The following GLT8D1 variants were observed in gnomAD, a reference collection of about 807,000 sequenced individuals.
GLT8D1 encodes the protein glycosyltransferase 8 domain containing 1.
A neutral mutation model predicts 46.2 loss-of-function variants in GLT8D1; 41 were observed. That is an observed-to-expected ratio of 0.89 (90% CI 0.69 to 1.15). GLT8D1 has a LOEUF of 1.15. Among genes scored for constraint, GLT8D1 ranks in the 50% most tolerant of loss-of-function variants. The pLI is 0.00. For synonymous variants in GLT8D1, 150 were observed against 154.2 expected (o/e 0.97, Z 0.20); for missense variants, 408 against 449.3 (o/e 0.91, Z 0.83).
chr3:52,697,729 G>T lies in GLT8D1; in HGVS notation c.321C>A (p.Asp107Glu), dbSNP rs753948829. The T allele has an allele frequency of 6.2e-7, 1 of 1,603,494 alleles. No individual in the cohort carries two copies. Among genetic ancestry groups the T allele is most frequent in the Non-Finnish European group, 8.5e-7 (1 of 1,170,264 alleles). ...ACATAAGCAGAGCTCACCGGAGATG[G>T]TCTGCTGTATTGTTGAGAGTAACAA... ...FYIVTLNNTA[D>E]HLRSWLNSDS... The change falls in exon 4 of 10, where the codon GAC becomes GAA. Residue 107 changes from aspartate (D) to glutamate (E), a missense_variant. By Grantham distance (45) the Asp-to-Glu change is conservative. Transcript: ENST00000266014.
intron 4 of GLT8D1, 67 bp downstream of exon 4, chr3:52,697,654 T>C (rs1578588486): frequency 1.2e-5 from 12 of 1,019,002 alleles, no homozygotes; most frequent in Non-Finnish European, 1.7e-5. Context: ...GAAAAACAGA[T>C]CCTGGATTGG....
At chr3:52,697,690 C>CT (rs1232979430) in intron 4 of GLT8D1, 31 bp downstream of exon 4, 2 of 1,455,068 alleles carry the variant, frequency 1.4e-6, no homozygotes, top group Non-Finnish European at 1.9e-6. Flanking sequence ...AAATCATCCT[C>CT]TAGAAGCAGA....
At position 52,696,632 on chromosome 3, in the gene GLT8D1, T is replaced by C; in HGVS notation, c.357A>G (p.Lys119=). ...LRSWLNSDSL[K]SIRYKIVNFD... ...AATTGACAATTTTGTATCTGATGCTTTTCAGGGAATCACTGTTGAGCCAGG... is the reference window on the plus strand; with the variant it reads ...AATTGACAATTTTGTATCTGATGCTCTTCAGGGAATCACTGTTGAGCCAGG... Residue 119 remains lysine, a synonymous_variant, in exon 5 of 10, where the codon AAA becomes AAG. Coordinates refer to ENST00000266014, the MANE Select transcript of GLT8D1 (RefSeq NM_018446.4). 1 of 1,605,504 alleles carries C rather than the reference T, an allele frequency of 6.2e-7. No homozygotes were observed. The highest frequency in any genetic ancestry group is 2.2e-5 in the East Asian group (1 of 44,838).
intron 1 of GLT8D1, chr3:52,701,220 G>A (rs2097339099): frequency 6.6e-6 from 1 of 151,862 alleles, no homozygotes; most frequent in South Asian, 2.1e-4. Context: ...TTTAACATGA[G>A]TGTCCTCAGA....
At chr3:52,695,093 C>G (rs2097331692) in intron 9 of GLT8D1, 58 bp from the exon 10 acceptor site, 1 of 1,486,246 alleles carries the variant, frequency 6.7e-7, no homozygotes. Context: ...GTGCAGAAAA[C>G]TTACTTAAGG....
At chr3:52,705,274 G>T (rs2097343039) in intron 1 of GLT8D1, 173 bp downstream of exon 1, 1 of 152,450 alleles carries the variant, frequency 6.6e-6, no homozygotes, top group East Asian at 1.9e-4. Flanking sequence ...GGTCAGTAAA[G>T]CCGGCCACAA....
chr3:52,698,154 C>T (rs1005554946), intron 3 of GLT8D1, among the ~76,000 whole-genome samples: 1 of 152,162 alleles, frequency 6.6e-6, no homozygotes. Context: ...CTTTGGTACA[C>T]TACTGGTAGG....
Position 52,695,463 on chromosome 3 carries a change from TTC to T in GLT8D1, c.768_769del (p.Asn257TyrfsTer3). The stretch of plus-strand genomic sequence containing the variant: ...CCATTTTTCCAGTTGGTTAGTTATA[TTC>T]TGTCGTTTCCATTCCGTCAGGTTTG... On this transcript the variant is annotated frameshift_variant, in exon 8 of 10. Transcript: ENST00000266014. LOFTEE classifies it high-confidence loss of function. The T allele has an allele frequency of 6.2e-7, 1 of 1,614,028 alleles. No individual in the cohort carries two copies. The highest frequency in any genetic ancestry group is 8.5e-7 in the Non-Finnish European group (1 of 1,179,858).
rs751246705 is a variant in GLT8D1 at position 52,696,625 on chromosome 3, T to TG, written c.363dup (p.Arg122GlnfsTer8). 1 of 1,608,582 alleles carries TG rather than the reference T, an allele frequency of 6.2e-7. No individual in the cohort carries two copies. Among genetic ancestry groups the TG allele is most frequent in the Non-Finnish European group, 8.5e-7 (1 of 1,174,880 alleles). On this transcript the variant is annotated frameshift_variant, in exon 5 of 10. Coordinates refer to ENST00000266014, the MANE Select transcript of GLT8D1 (RefSeq NM_018446.4). LOFTEE classifies it high-confidence loss of function. Reference sequence around the variant, plus strand: ...GGGTCAAAATTGACAATTTTGTATCTGATGCTTTTCAGGGAATCACTGTTG... The same window carrying TG: ...GGGTCAAAATTGACAATTTTGTATCTGGATGCTTTTCAGGGAATCACTGTTG...
intron 1 of GLT8D1, chr3:52,704,753 T>C (rs1459780203): frequency 2.0e-5 from 3 of 152,306 alleles, no homozygotes; most frequent in Non-Finnish European, 4.4e-5. Flanking sequence ...CCACTTGGCA[T>C]TCAAAGGTCA....
At position 52,700,324 on chromosome 3, in the gene GLT8D1, A is replaced by G; in HGVS notation, c.53T>C (p.Phe18Ser). The change falls in exon 3 of 10, where the codon TTC becomes TCC. Residue 18 changes from phenylalanine to serine, a missense_variant. Coordinates refer to ENST00000266014, the MANE Select transcript of GLT8D1 (RefSeq NM_018446.4). ...IIILVLAVAL[F>S]LLVLHHNFLS... ...GAAGTTATGGTGCAAAACCAGTAAG[A>G]AGAGAGCAACAGCCAGGACCAAGAT... 6.2e-7 allele frequency: 1 copy of G among 1,613,932 alleles called. No individual in the cohort carries two copies. Among genetic ancestry groups the G allele is most frequent in the Non-Finnish European group, 8.5e-7 (1 of 1,179,802 alleles).
chr3:52,697,836 C>G lies in GLT8D1; in HGVS notation c.214G>C (p.Ala72Pro). 4 of 1,613,332 alleles carry G rather than the reference C, an allele frequency of 2.5e-6. No homozygotes were observed. Among genetic ancestry groups the G allele is most frequent in the Non-Finnish European group, 3.4e-6 (4 of 1,179,258 alleles). Residue 72 changes from alanine (A) to proline (P), a missense_variant, in exon 4 of 10, where the codon GCA (alanine) becomes CCA (proline). Coordinates refer to ENST00000266014, the MANE Select transcript of GLT8D1 (RefSeq NM_018446.4). ...RQEEIPVVIA[A>P]SEDRLGGAIA... is the part of the protein sequence containing the mutation. ...GCCCCCCCAAGCCTGTCTTCAGATG[C>G]AGCGATGACCACAGGAATCTCCTCT...
At chr3:52,695,641 A>AT in intron 7 of GLT8D1, 54 bp from the exon 8 acceptor site, 1 of 1,042,976 alleles carries the variant, frequency 9.6e-7, no homozygotes, top group Non-Finnish European at 1.5e-6. Context: ...AATAGATACA[A>AT]TTTTATAGCC....
chr3:52,703,461 T>A lies in GLT8D1; in HGVS notation c.-37+1986A>T, dbSNP rs1027692389. 4 of 149,008 alleles carry A rather than the reference T, an allele frequency of 2.7e-5. No homozygotes were observed. The East Asian group carries it at 7.9e-4, about 29-fold the overall frequency. The allele number at this position is 149,008 out of a possible 1,614,324, so 9.2% of individuals were successfully genotyped here. ...AAAAAAAGAGAAGTATATACATCAGTATATACCCTAAGTCATATGCCTCTA... is the reference window on the plus strand; with the variant it reads ...AAAAAAAGAGAAGTATATACATCAGAATATACCCTAAGTCATATGCCTCTA... On this transcript the variant is annotated intron_variant, in intron 1 of 9. Coordinates refer to ENST00000266014, the MANE Select transcript of GLT8D1 (RefSeq NM_018446.4).
rs375791656 is a variant in GLT8D1 at position 52,694,616 on chromosome 3, C to T, written c.*229G>A. 3.2e-4 allele frequency: 193 copies of T among 606,968 alleles called. 2 individuals carry two copies. The highest frequency in any genetic ancestry group is 2.9e-3 in the East Asian group (106 of 36,052). 37.6% of individuals were successfully genotyped at this position (606,968 alleles called of 1,614,324 possible). ...TCAGTTCTTCTTTCCAGTCATTCAGCATTGTAGTAAGAAAACACTTGGTAA... is the reference window on the plus strand; with the variant it reads ...TCAGTTCTTCTTTCCAGTCATTCAGTATTGTAGTAAGAAAACACTTGGTAA... On this transcript the variant is annotated 3_prime_UTR_variant, in exon 10 of 10. Coordinates refer to ENST00000266014, the MANE Select transcript of GLT8D1 (RefSeq NM_018446.4).
At position 52,700,364 on chromosome 3, in the gene GLT8D1, A is replaced by T. The variant is rs763482728; in HGVS notation, c.17-4T>A. The T allele has an allele frequency of 6.2e-7, 1 of 1,610,570 alleles. No homozygotes were observed. Among genetic ancestry groups the T allele is most frequent in the Non-Finnish European group, 8.5e-7 (1 of 1,176,968 alleles). ...AGGACCAAGATGATGATGTTTACTG[A>T]AATAGATAGGGAAAACCTATGTTAT... On this transcript the variant is annotated splice_polypyrimidine_tract_variant and splice_region_variant and intron_variant, in intron 2 of 9. Coordinates refer to ENST00000266014, the MANE Select transcript of GLT8D1 (RefSeq NM_018446.4).
chr3:52,696,466 A>G, intron 5 of GLT8D1, 76 bp downstream of exon 5: 3 of 1,013,698 alleles, frequency 3.0e-6, no homozygotes, highest in Non-Finnish European at 4.7e-6. Context: ...AACTACTTGC[A>G]CTATACCCAC....
chr3:52,695,788 G>A, intron 7 of GLT8D1, 140 bp downstream of exon 7: 1 of 647,064 alleles, frequency 1.5e-6, no homozygotes, highest in South Asian at 1.9e-5. Context: ...AGTCCATGAA[G>A]AAGTCTACAG....
rs1445269745 is a variant in GLT8D1 at position 52,696,517 on chromosome 3, G to A, written c.447+25C>T. The A allele has an allele frequency of 4.9e-6, 6 of 1,222,414 alleles. No homozygotes were observed. In the Admixed American group the frequency reaches 5.1e-5, roughly 10 times the overall value. The allele number at this position is 1,222,414 out of a possible 1,614,324, so 75.7% of individuals were successfully genotyped here. A position where few individuals can be genotyped will look rare whatever the true frequency, so the allele number is the denominator to read the frequency against. ...CCATTATTTCCTAATACTGCCAAGT[G>A]CAAAGAAGGATGCATGGAACTCACA... On this transcript the variant is annotated intron_variant, in intron 5 of 9. Transcript: ENST00000266014.
Sources: gnomAD v4.1 joint callset for allele counts (sites outside exome capture counted in the v4.1 genomes callset) on GRCh38, gnomAD v4.1.1 for gene constraint, MANE v1.5 for transcripts, NCBI Gene and HGNC (gene_info 2026-07-23, HGNC 2026-07-21) for gene names.